Variants in MLLT3 observed in about 807,000 individuals in gnomAD.
MLLT3 encodes MLLT3 super elongation complex subunit.
A neutral mutation model predicts 53.2 loss-of-function variants in MLLT3; 4 were observed. That is an observed-to-expected ratio of 0.08 (90% CI 0.04 to 0.17). MLLT3 has a LOEUF of 0.17. Ranked by LOEUF, MLLT3 falls within the 10% of genes least tolerant of loss-of-function variation. MLLT3 has a pLI of 1.00. For synonymous variants in MLLT3, 283 were observed against 230.6 expected (o/e 1.23, Z -2.06); for missense variants, 569 against 684.0 (o/e 0.83, Z 1.87).
At chr9:20,383,509 T>C (rs1361323852) in intron 5 of MLLT3, among the ~76,000 whole-genome samples, 2 of 151,886 alleles carry the variant, frequency 1.3e-5, no homozygotes, top group Non-Finnish European at 2.9e-5. Context: ...AGTTCCTTCA[T>C]TTCTAATGGG....
chr9:20,351,154 A>C (rs1223161425), intron 10 of MLLT3, among the ~76,000 whole-genome samples: 3 of 152,248 alleles, frequency 2.0e-5, no homozygotes, highest in African/African-American at 2.4e-5. Context: ...CATCATTTTC[A>C]TCAGAACATT....
intron 3 of MLLT3, among the ~76,000 whole-genome samples, chr9:20,451,959 C>G (rs1351272869): frequency 6.6e-6 from 1 of 152,116 alleles, no homozygotes; most frequent in Admixed American, 6.5e-5. Context: ...TATACAAACT[C>G]AAGAGAAGTA....
chr9:20,542,151 T>C (rs370115940), intron 2 of MLLT3, among the ~76,000 whole-genome samples: 115 of 152,264 alleles, frequency 7.6e-4, no homozygotes, highest in African/African-American at 2.6e-3. Context: ...GGGTGTTGTG[T>C]TGCCAGGCAA....
At chr9:20,454,996 T>C (rs1465565720) in intron 3 of MLLT3, among the ~76,000 whole-genome samples, 2 of 151,888 alleles carry the variant, frequency 1.3e-5, no homozygotes, top group African/African-American at 4.8e-5. Flanking sequence ...ATGACTATAA[T>C]AGAAAATAAC....
At chr9:20,522,506 AT>A (rs1818089645) in intron 2 of MLLT3, among the ~76,000 whole-genome samples, 1 of 152,096 alleles carries the variant, frequency 6.6e-6, no homozygotes, top group African/African-American at 2.4e-5. Context: ...TTGCCTGTCA[AT>A]TTTTTACTAC....
intron 4 of MLLT3, among the ~76,000 whole-genome samples, chr9:20,421,859 C>T (rs1049554501): frequency 3.9e-5 from 6 of 151,964 alleles, no homozygotes; most frequent in Admixed American, 6.6e-5. Context: ...AGAGAATGTA[C>T]TAAGGGAAAG....
chr9:20,409,816 A>C (rs1822678011), intron 5 of MLLT3, among the ~76,000 whole-genome samples: 1 of 152,230 alleles, frequency 6.6e-6, no homozygotes, highest in Non-Finnish European at 1.5e-5. Context: ...GAAACATTTC[A>C]ATAATCACAA....
At chr9:20,589,362 C>G (rs1452823668) in intron 2 of MLLT3, among the ~76,000 whole-genome samples, 2 of 146,052 alleles carry the variant, frequency 1.4e-5, no homozygotes, top group Non-Finnish European at 3.0e-5. Flanking sequence ...CATATTCTCA[C>G]TCATAGGTGG....
chr9:20,477,208 G>A (rs1824542966), intron 2 of MLLT3, among the ~76,000 whole-genome samples: 2 of 152,074 alleles, frequency 1.3e-5, no homozygotes. Context: ...TTTGCCAGGA[G>A]AAAACTGGAA....
intron 2 of MLLT3, among the ~76,000 whole-genome samples, chr9:20,562,445 A>T (rs529146399): frequency 2.0e-4 from 31 of 152,326 alleles, no homozygotes; most frequent in African/African-American, 7.5e-4. Flanking sequence ...TTAAAATTTG[A>T]TCTATGACAC....
intron 2 of MLLT3, among the ~76,000 whole-genome samples, chr9:20,541,605 G>A (rs1818632222): frequency 6.6e-6 from 1 of 152,046 alleles, no homozygotes; most frequent in South Asian, 2.1e-4. Context: ...CCCGCATAGG[G>A]GAAATCCGCC....
chr9:20,535,308 AT>A (rs778571934), intron 2 of MLLT3, among the ~76,000 whole-genome samples: 10 of 152,200 alleles, frequency 6.6e-5, no homozygotes, highest in African/African-American at 2.2e-4. Context: ...TCCCGAAACC[AT>A]CCCCCCACCC....
At chr9:20,526,189 G>T (rs1352016729) in intron 2 of MLLT3, among the ~76,000 whole-genome samples, 1 of 152,150 alleles carries the variant, frequency 6.6e-6, no homozygotes, top group African/African-American at 2.4e-5. Context: ...TAAAAAGTAA[G>T]CTTATCAAAG....
At chr9:20,484,859 T>C (rs1018106039) in intron 2 of MLLT3, among the ~76,000 whole-genome samples, 1 of 152,198 alleles carries the variant, frequency 6.6e-6, no homozygotes, top group South Asian at 2.1e-4. Flanking sequence ...TATATAATCA[T>C]AACCACATTT....
intron 2 of MLLT3, among the ~76,000 whole-genome samples, chr9:20,534,037 A>T (rs1422889916): frequency 6.6e-6 from 1 of 152,244 alleles, no homozygotes; most frequent in Non-Finnish European, 1.5e-5. Context: ...ATATCAAATC[A>T]TCAGGCTGTA....
chr9:20,403,777 T>C (rs1050292422), intron 5 of MLLT3, among the ~76,000 whole-genome samples: 2 of 152,176 alleles, frequency 1.3e-5, no homozygotes, highest in Non-Finnish European at 2.9e-5. Flanking sequence ...AAAAATGCCC[T>C]AGAAATTAGG....
At chr9:20,618,530 A>C (rs918012296) in intron 2 of MLLT3, among the ~76,000 whole-genome samples, 4 of 152,214 alleles carry the variant, frequency 2.6e-5, no homozygotes, top group African/African-American at 9.6e-5. Context: ...GCACGCATAC[A>C]AATAAAAATC....
intron 4 of MLLT3, among the ~76,000 whole-genome samples, chr9:20,422,654 C>T (rs1277772164): frequency 1.3e-5 from 2 of 152,160 alleles, no homozygotes; most frequent in East Asian, 3.9e-4. Context: ...TCAGCCATAC[C>T]TGACTATGAA....
chr9:20,622,379 T>C lies in MLLT3; in HGVS notation c.-123A>G. On this transcript the variant is annotated 5_prime_UTR_variant, in exon 1 of 11. Coordinates refer to ENST00000380338, the MANE Select transcript of MLLT3 (RefSeq NM_004529.4). Reference sequence around the variant, plus strand: ...AGCGCGCCCAGGAGCGGAGGGTAGATGGCGGACATTCTCTGCCTTTTTCCC... The same window carrying C: ...AGCGCGCCCAGGAGCGGAGGGTAGACGGCGGACATTCTCTGCCTTTTTCCC... The C allele has an allele frequency of 3.4e-6, 3 of 879,262 alleles. No individual in the cohort carries two copies. Among genetic ancestry groups the C allele is most frequent in the Non-Finnish European group, 5.1e-6 (3 of 593,690 alleles). The allele number at this position is 879,262 out of a possible 1,614,324, so 54.5% of individuals were successfully genotyped here.
Sources: gnomAD v4.1 joint callset for allele counts (sites outside exome capture counted in the v4.1 genomes callset) on GRCh38, gnomAD v4.1.1 for gene constraint, MANE v1.5 for transcripts, NCBI Gene and HGNC (gene_info 2026-07-23, HGNC 2026-07-21) for gene names.